Variants in GPR137B observed in about 807,000 individuals in gnomAD.
GPR137B encodes the protein integral membrane protein GPR137B.
GPR137B carries 42 observed loss-of-function variants against 42.5 expected under a neutral mutation model. That is an observed-to-expected ratio of 0.99 (90% CI 0.77 to 1.28). GPR137B has a LOEUF of 1.28. Ranked by LOEUF, GPR137B falls within the 50% of genes most tolerant of loss-of-function variation. The pLI is 0.00. For synonymous variants in GPR137B, 218 were observed against 209.7 expected (o/e 1.04, Z -0.34); for missense variants, 487 against 493.9 (o/e 0.99, Z 0.13).
chr1:236,158,740 C>T (rs1662103645), intron 1 of GPR137B, among the ~76,000 whole-genome samples: 2 of 152,150 alleles, frequency 1.3e-5, no homozygotes, highest in African/African-American at 2.4e-5. Flanking sequence ...TCAGGATGCA[C>T]CCCCTTTTAA....
chr1:236,171,113 A>C lies in GPR137B; in HGVS notation c.464+2358A>C, dbSNP rs1662524844. On this transcript the variant is annotated intron_variant, in intron 2 of 6. Coordinates refer to ENST00000366592, the MANE Select transcript of GPR137B (RefSeq NM_003272.4). This position sits in a 1 kb window ranked among gnomAD's most constrained non-coding sequence, Gnocchi z 4.4. ...ACATATCCTGAAGGCAACTTTATAC[A>C]ACATTTTAAATAACTCAGCATAAAA... Among the ~76,000 whole-genome samples, 1 of 152,252 alleles carries C rather than the reference A, an allele frequency of 6.6e-6. No homozygotes were observed. Among genetic ancestry groups the C allele is most frequent in the East Asian group, 1.9e-4 (1 of 5,206 alleles).
Position 236,199,475 on chromosome 1 carries a change from C to A in GPR137B, c.967-5651C>A, listed in dbSNP as rs1459707398. ...TTTCAGAATAAGATTGGTACCAATTCTTCTTTGAATATCTGATAGAAATTA... is the reference window on the plus strand; with the variant it reads ...TTTCAGAATAAGATTGGTACCAATTATTCTTTGAATATCTGATAGAAATTA... On this transcript the variant is annotated intron_variant, in intron 5 of 6. Coordinates refer to ENST00000366592, the MANE Select transcript of GPR137B (RefSeq NM_003272.4). Among the ~76,000 whole-genome samples the A allele has an allele frequency of 2.6e-4, 39 of 152,116 alleles. 1 individual carries two copies. Among genetic ancestry groups the A allele is most frequent in the Admixed American group, 2.6e-3 (39 of 15,260 alleles).
chr1:236,207,320 G>A (rs1572015226), intron 6 of GPR137B: 1 of 976,114 alleles, frequency 1.0e-6, no homozygotes, highest in East Asian at 1.1e-4. Context: ...AGGACTTCTT[G>A]AAGTCAAAAG....
At chr1:236,192,636 C>T (rs371699394) in intron 5 of GPR137B, among the ~76,000 whole-genome samples, 1 of 152,036 alleles carries the variant, frequency 6.6e-6, no homozygotes. Context: ...GGCGACACCC[C>T]ACCCTGCTTC....
intron 1 of GPR137B, among the ~76,000 whole-genome samples, chr1:236,164,731 T>TAAGCAA (rs1662298666): frequency 6.6e-6 from 1 of 152,212 alleles, no homozygotes; most frequent in Non-Finnish European, 1.5e-5. Flanking sequence ...ATCTATATAA[T>TAAGCAA]AAGTTATATA....
intron 1 of GPR137B, among the ~76,000 whole-genome samples, chr1:236,157,159 A>G (rs1571966669): frequency 6.6e-6 from 1 of 151,788 alleles, no homozygotes; most frequent in South Asian, 2.1e-4. Flanking sequence ...GACTTTTCCA[A>G]GGCCACACAG....
At chr1:236,168,877 T>TGCTG in intron 2 of GPR137B, 122 bp downstream of exon 2, 1 of 768,038 alleles carries the variant, frequency 1.3e-6, no homozygotes, top group East Asian at 2.5e-5. Context: ...CAGTCCTGCC[T>TGCTG]GCTGGCTGGC....
chr1:236,163,800 TTCA>T (rs1662267117), intron 1 of GPR137B, among the ~76,000 whole-genome samples: 2 of 152,300 alleles, frequency 1.3e-5, no homozygotes, highest in East Asian at 3.9e-4. Flanking sequence ...CAGATATGTC[TTCA>T]TCAGCAGCAT....
Position 236,143,056 on chromosome 1 carries a change from C to G in GPR137B, c.414+20C>G. 1 of 1,584,764 alleles carries G rather than the reference C, an allele frequency of 6.3e-7. No individual in the cohort carries two copies. The highest frequency in any genetic ancestry group is 1.1e-5 in the South Asian group (1 of 87,596). ...ACGCAGGTGAGTTTCAGAGAGGCTC[C>G]TGGAGGCGCTCACCTGGCGGGGTGG... On this transcript the variant is annotated intron_variant, in intron 1 of 6. Coordinates refer to ENST00000366592, the MANE Select transcript of GPR137B (RefSeq NM_003272.4).
intron 1 of GPR137B, among the ~76,000 whole-genome samples, chr1:236,151,217 C>T (rs938169856): frequency 1.1e-4 from 17 of 152,112 alleles, no homozygotes; most frequent in African/African-American, 4.1e-4. Flanking sequence ...GTACCTGGGA[C>T]AACAGGCATT....
intron 3 of GPR137B, among the ~76,000 whole-genome samples, chr1:236,179,489 T>G (rs1662804315): frequency 6.6e-6 from 1 of 152,158 alleles, no homozygotes; most frequent in African/African-American, 2.4e-5. Flanking sequence ...TGAGATTGTT[T>G]ACTTGCCTCC....
At chr1:236,182,175 G>A (rs1371415240) in intron 4 of GPR137B, among the ~76,000 whole-genome samples, 1 of 152,154 alleles carries the variant, frequency 6.6e-6, no homozygotes, top group Admixed American at 6.5e-5. Flanking sequence ...ATAGGCGTCA[G>A]CCACCGTTGG....
At chr1:236,178,785 G>GTTTTTTTTTCTT (rs759983803) in intron 3 of GPR137B, 149 bp downstream of exon 3, 1 of 48,310 alleles carries the variant, frequency 2.1e-5, no homozygotes, top group East Asian at 5.4e-4. Context: ...GCTACTCGAG[G>GTTTTTTTTTCTT]TTTTTTTTTT....
intron 1 of GPR137B, among the ~76,000 whole-genome samples, chr1:236,165,937 A>G (rs1322231285): frequency 2.0e-5 from 3 of 152,230 alleles, no homozygotes; most frequent in African/African-American, 7.2e-5. Context: ...GGCAAAGCAT[A>G]TGAACATTTA....
chr1:236,201,090 G>A (rs1002052806), intron 5 of GPR137B, among the ~76,000 whole-genome samples: 2 of 152,006 alleles, frequency 1.3e-5, no homozygotes, highest in South Asian at 2.1e-4. Flanking sequence ...CATTTATGAA[G>A]CTTTGTTTTG....
rs772306964 is a variant in GPR137B, at chr1:236,142,764, G to C, written c.142G>C (p.Val48Leu). ...CTACGTGAAGCTTGGCCTCACCGTCGTCTACACCGTGTTCTACGCGCTGCT... is the reference window on the plus strand; with the variant it reads ...CTACGTGAAGCTTGGCCTCACCGTCCTCTACACCGTGTTCTACGCGCTGCT... Reference protein sequence around the residue: ...PPYVKLGLTVVYTVFYALLFV... With the variant: ...PPYVKLGLTVLYTVFYALLFV... The change falls in exon 1 of 7, where the codon GTC becomes CTC. Residue 48 changes from valine (V) to leucine (L), a missense_variant. Transcript: ENST00000366592. 1.5e-5 allele frequency: 24 copies of C among 1,607,150 alleles called. No homozygotes were observed. Among genetic ancestry groups the C allele is most frequent in the African/African-American group, 1.4e-5 (1 of 73,154 alleles).
At chr1:236,182,108 G>C (rs965404250) in intron 4 of GPR137B, among the ~76,000 whole-genome samples, 1 of 151,980 alleles carries the variant, frequency 6.6e-6, no homozygotes, top group African/African-American at 2.4e-5. Context: ...GGCCAGGCTG[G>C]TCTTGAACTC....
In GPR137B at chr1:236,150,509, T is replaced by A. The variant is rs1267454106; in HGVS notation, c.414+7473T>A. Among the ~76,000 whole-genome samples the A allele has an allele frequency of 6.6e-6, 1 of 152,140 alleles. No individual in the cohort carries two copies. Among genetic ancestry groups the A allele is most frequent in the African/African-American group, 2.4e-5 (1 of 41,430 alleles). On this transcript the variant is annotated intron_variant, in intron 1 of 6. Transcript: ENST00000366592. The surrounding 1 kb of genome is among the most constrained non-coding windows in gnomAD (Gnocchi z 6.2). ...GGCTGTGACCGCATCAGTGCCTCGG[T>A]GATGCCCTGCCAACCGAGGGGGAAC... is the stretch of plus-strand genomic sequence containing the variant.
chr1:236,181,608 T>G lies in GPR137B; in HGVS notation c.837+1580T>G, dbSNP rs190754818. Reference sequence around the variant, plus strand: ...TAGTGCTCAAACCCTGAGCTGGATTTAGACAGTGGAAGAAAGAATAAAATG... The same window carrying G: ...TAGTGCTCAAACCCTGAGCTGGATTGAGACAGTGGAAGAAAGAATAAAATG... On this transcript the variant is annotated intron_variant, in intron 4 of 6. Transcript: ENST00000366592. Among the ~76,000 whole-genome samples, 4 of 152,300 alleles carry G rather than the reference T, an allele frequency of 2.6e-5. No individual in the cohort carries two copies. The East Asian group carries it at 7.7e-4, about 29-fold the overall frequency.
Sources: allele counts gnomAD v4.1 joint callset (sites outside exome capture counted in the v4.1 genomes callset), GRCh38; gene constraint gnomAD v4.1.1; non-coding constraint Gnocchi (gnomAD v3.1); transcripts MANE v1.5; gene names NCBI Gene and HGNC (gene_info 2026-07-23, HGNC 2026-07-21).